Variants in CLUAP1 observed in about 807,000 individuals in gnomAD.
CLUAP1 encodes intraflagellar transport 38.
CLUAP1 carries 50 observed loss-of-function variants against 55.0 expected under a neutral mutation model. That is an observed-to-expected ratio of 0.91 (90% confidence interval 0.72 to 1.15). The LOEUF is 1.15. CLUAP1 is among the 50% of genes most tolerant of loss of function. The pLI is 0.00. For missense variants in CLUAP1, 530 were observed against 507.6 expected (o/e 1.04, Z -0.42); for synonymous variants, 195 against 175.4 (o/e 1.11, Z -0.88).
intron 9 of CLUAP1, 36 bp downstream of exon 9, chr16:3,526,520 G>A: frequency 6.9e-7 from 1 of 1,445,010 alleles, no homozygotes; most frequent in Admixed American, 2.2e-5. Context: ...AGTTTACTCT[G>A]GACTAGTATT....
intron 11 of CLUAP1, chr16:3,535,790 G>A: frequency 3.9e-6 from 1 of 255,032 alleles, no homozygotes; most frequent in Non-Finnish European, 7.6e-6. Context: ...CCAAGCCCCT[G>A]TCCTTCTTGC....
At chr16:3,505,415 A>G (rs2151041831) in intron 2 of CLUAP1, among the ~76,000 whole-genome samples, 1 of 152,292 alleles carries the variant, frequency 6.6e-6, no homozygotes, top group South Asian at 2.1e-4. Context: ...CTGTGGTCCC[A>G]GCTACTCAGG....
At chr16:3,524,635 A>G (rs2037907406) in intron 8 of CLUAP1, among the ~76,000 whole-genome samples, 1 of 151,274 alleles carries the variant, frequency 6.6e-6, no homozygotes, top group South Asian at 2.1e-4. Flanking sequence ...AGAGATTTTC[A>G]AGTCCTGGTT....
intron 9 of CLUAP1, among the ~76,000 whole-genome samples, chr16:3,526,803 G>A (rs2037953464): frequency 6.6e-6 from 1 of 152,140 alleles, no homozygotes; most frequent in Non-Finnish European, 1.5e-5. Flanking sequence ...TGCCAGTTAA[G>A]ATAGTGTTTT....
intron 6 of CLUAP1, among the ~76,000 whole-genome samples, chr16:3,519,502 A>G (rs1324596741): frequency 1.3e-5 from 2 of 152,130 alleles, no homozygotes; most frequent in African/African-American, 4.8e-5. Context: ...GTATTCTGTA[A>G]GTCGGGTGTT....
At chr16:3,499,969 T>TAACCC (rs2037356304), upstream of CLUAP1, among the ~76,000 whole-genome samples, 1 of 152,254 alleles carries the variant, frequency 6.6e-6, no homozygotes, top group Non-Finnish European at 1.5e-5. Flanking sequence ...CCCTCTGCTT[T>TAACCC]AACCCAAAGA....
chr16:3,528,393 G>A (rs1260829144), intron 9 of CLUAP1, among the ~76,000 whole-genome samples: 3 of 151,836 alleles, frequency 2.0e-5, no homozygotes, highest in East Asian at 1.9e-4. Context: ...TGACTCTCTC[G>A]TCTGAATCTC....
chr16:3,527,402 C>G (rs2037966071), intron 9 of CLUAP1, among the ~76,000 whole-genome samples: 1 of 152,116 alleles, frequency 6.6e-6, no homozygotes, highest in Non-Finnish European at 1.5e-5. Flanking sequence ...TATGCCCAGA[C>G]AGGGCCACCA....
chr16:3,495,944 T>C, the CLUAP1 span, among the ~76,000 whole-genome samples: 1 of 151,958 alleles, frequency 6.6e-6, no homozygotes, highest in Non-Finnish European at 1.5e-5. Context: ...ATCGAGACCA[T>C]CCTGGCTAAC....
chr16:3,518,733 A>T (rs886840556), intron 6 of CLUAP1, among the ~76,000 whole-genome samples: 6 of 152,204 alleles, frequency 3.9e-5, no homozygotes, highest in Non-Finnish European at 8.8e-5. Context: ...TCATGAAAGT[A>T]TCTTAGAAGT....
intron 6 of CLUAP1, among the ~76,000 whole-genome samples, chr16:3,517,024 A>C (rs2037740812): frequency 6.6e-6 from 1 of 152,220 alleles, no homozygotes; most frequent in Non-Finnish European, 1.5e-5. Context: ...ATAGGAAACC[A>C]TGAGTTTTCA....
chr16:3,497,102 G>A (rs1211684721), upstream of CLUAP1, among the ~76,000 whole-genome samples: 1 of 151,272 alleles, frequency 6.6e-6, no homozygotes, highest in African/African-American at 2.4e-5. Context: ...AACTCCTGAC[G>A]TCAGGTGATC....
upstream of CLUAP1, chr16:3,496,564 C>T: frequency 1.8e-6 from 1 of 543,816 alleles, no homozygotes; most frequent in Non-Finnish European, 3.6e-6. Flanking sequence ...GGGCCAAGAT[C>T]CTGACTTTCG....
intron 8 of CLUAP1, among the ~76,000 whole-genome samples, chr16:3,525,222 C>T (rs1266992978): frequency 6.6e-6 from 1 of 152,066 alleles, no homozygotes; most frequent in Admixed American, 6.6e-5. Flanking sequence ...ACATTGGGTA[C>T]CTGGGAAAGA....
intron 6 of CLUAP1, among the ~76,000 whole-genome samples, chr16:3,516,674 A>G (rs1252261026): frequency 6.6e-6 from 1 of 152,252 alleles, no homozygotes; most frequent in Admixed American, 6.5e-5. Flanking sequence ...ACATGTATGC[A>G]CATTTAAGGA....
chr16:3,504,167 CTATT>C (rs1002406644), intron 1 of CLUAP1, among the ~76,000 whole-genome samples: 20 of 152,258 alleles, frequency 1.3e-4, no homozygotes, highest in Non-Finnish European at 2.5e-4. Flanking sequence ...TTCAACCACT[CTATT>C]TAAGATTTCT....
upstream of CLUAP1, chr16:3,500,879 G>GCGCTCTCTGCCGGCC (rs1480665915): frequency 8.1e-6 from 5 of 621,110 alleles, no homozygotes; most frequent in East Asian, 2.8e-5. Flanking sequence ...CGTCTCAGGA[G>GCGCTCTCTGCCGGCC]CGCTCTCTGC....
At chr16:3,524,500 G>A (rs906401913) in intron 8 of CLUAP1, among the ~76,000 whole-genome samples, 3 of 150,068 alleles carry the variant, frequency 2.0e-5, no homozygotes, top group Non-Finnish European at 3.0e-5. Flanking sequence ...GGGAGGCTAA[G>A]GCAGGAGAAT....
rs2038250265 is a variant in CLUAP1 at position 3,537,217 on chromosome 16, AT to A, written c.*948del. 2 of 152,220 alleles carry A rather than the reference AT, an allele frequency of 1.3e-5. No homozygotes were observed. Among genetic ancestry groups the A allele is most frequent in the African/African-American group, 4.8e-5 (2 of 41,464 alleles). The allele number at this position is 152,220 out of a possible 1,614,324, so 9.4% of individuals were successfully genotyped here. ...AGTGTTTCTGTAGGGGAAGGAGCCA[AT>A]TAAGAAAAAGTGTTGGTACAGATTC... is the stretch of plus-strand genomic sequence containing the variant. On this transcript the variant is annotated 3_prime_UTR_variant, in exon 12 of 12. Transcript: ENST00000576634.
Sources: gnomAD v4.1 joint callset for allele counts (sites outside exome capture counted in the v4.1 genomes callset) on GRCh38, gnomAD v4.1.1 for gene constraint, MANE v1.5 for transcripts, NCBI Gene and HGNC (gene_info 2026-07-23, HGNC 2026-07-21) for gene names.